The following FER variants were observed in gnomAD, a reference collection of about 807,000 sequenced individuals.
The protein encoded by FER is tyrosine-protein kinase Fer.
FER carries 63 observed loss-of-function variants against 111.0 expected under a neutral mutation model. The ratio of observed to expected loss-of-function variants is 0.57; its 90% CI spans 0.46 to 0.70. FER has a LOEUF of 0.70. FER is among the 30% of genes least tolerant of loss of function. The pLI, the probability that FER is intolerant of heterozygous loss-of-function variation, is 0.00. For missense variants in FER, 914 were observed against 954.0 expected (o/e 0.96, Z 0.55); for synonymous variants, 327 against 313.9 (o/e 1.04, Z -0.44).
At chr5:108,754,453 A>T (rs1429647530) in intron 1 of FER, among the ~76,000 whole-genome samples, 1 of 151,792 alleles carries the variant, frequency 6.6e-6, no homozygotes. Context: ...ATTGTTAGTA[A>T]CAAGTACTGA....
intron 16 of FER, among the ~76,000 whole-genome samples, chr5:109,094,722 C>T (rs545952334): frequency 3.9e-4 from 60 of 152,242 alleles, no homozygotes; most frequent in Admixed American, 1.2e-3. Flanking sequence ...TTCACAGAAA[C>T]AGGCAATAGG....
intron 2 of FER, among the ~76,000 whole-genome samples, chr5:108,769,802 A>T (rs1466487640): frequency 1.3e-5 from 2 of 152,194 alleles, no homozygotes; most frequent in African/African-American, 4.8e-5. Flanking sequence ...CTTTCTTGTT[A>T]ACTGATGGAT....
intron 10 of FER, among the ~76,000 whole-genome samples, chr5:108,911,402 C>A (rs1751526936): frequency 6.6e-6 from 1 of 151,722 alleles, no homozygotes; most frequent in African/African-American, 2.4e-5. Flanking sequence ...CAAATATTTT[C>A]TCCTATACTG....
At chr5:108,946,353 C>A in intron 11 of FER, 131 bp downstream of exon 11, 1 of 545,732 alleles carries the variant, frequency 1.8e-6, no homozygotes, top group South Asian at 3.6e-5. Context: ...TTTGCACTTA[C>A]AAATGGAAAG....
At chr5:108,941,588 C>A (rs1004798862) in intron 10 of FER, among the ~76,000 whole-genome samples, 1 of 151,952 alleles carries the variant, frequency 6.6e-6, no homozygotes, top group African/African-American at 2.4e-5. Flanking sequence ...TCGTTATGTC[C>A]CTAAATTGTA....
At chr5:108,966,783 T>C (rs1408837176) in intron 13 of FER, among the ~76,000 whole-genome samples, 2 of 152,158 alleles carry the variant, frequency 1.3e-5, no homozygotes. Flanking sequence ...ATATTTCTGA[T>C]ATGAACATGG....
chr5:109,074,943 AT>A (rs1380860451), intron 16 of FER, among the ~76,000 whole-genome samples: 1 of 152,240 alleles, frequency 6.6e-6, no homozygotes, highest in Non-Finnish European at 1.5e-5. Flanking sequence ...ATACTAATGA[AT>A]TGGTGACATG....
chr5:109,105,745 G>C (rs558657095), intron 17 of FER, among the ~76,000 whole-genome samples: 27 of 152,220 alleles, frequency 1.8e-4, no homozygotes, highest in African/African-American at 6.0e-4. Flanking sequence ...TCAAGTATTA[G>C]TAACCCTAAC....
At chr5:109,167,835 G>C (rs1190769027) in intron 17 of FER, among the ~76,000 whole-genome samples, 4 of 152,066 alleles carry the variant, frequency 2.6e-5, no homozygotes, top group Non-Finnish European at 5.9e-5. Context: ...AGACAAGCAG[G>C]GTAGTCAAAC....
At chr5:109,023,505 G>A (rs1188804923) in intron 13 of FER, among the ~76,000 whole-genome samples, 3 of 152,002 alleles carry the variant, frequency 2.0e-5, no homozygotes, top group Non-Finnish European at 2.9e-5. Context: ...TTATGTCTCA[G>A]AGCCTTAGTT....
rs771199420 is a variant in FER, at chr5:108,798,301, A to G, written c.119A>G (p.Lys40Arg). 66 of 1,614,008 alleles carry G rather than the reference A, an allele frequency of 4.1e-5. No homozygotes were observed. Among genetic ancestry groups the G allele is most frequent in the Non-Finnish European group, 5.1e-5 (60 of 1,179,864 alleles). ...KFMALRIKSD[K>R]EYASTLQNLC... is the part of the protein sequence containing the mutation. ...ATGGCCCTGAGAATAAAAAGTGATA[A>G]AGAATATGCATCTACTTTACAGAAC... The change falls in exon 3 of 20, where the codon AAA becomes AGA. Residue 40 changes from lysine to arginine, a missense_variant. Physicochemically the swap from Lys to Arg is conservative, Grantham distance 26. Coordinates refer to ENST00000281092, the MANE Select transcript of FER (RefSeq NM_005246.4).
At chr5:108,930,854 T>C (rs1754566884) in intron 10 of FER, among the ~76,000 whole-genome samples, 1 of 151,726 alleles carries the variant, frequency 6.6e-6, no homozygotes, top group African/African-American at 2.4e-5. Flanking sequence ...CCTCAAGTGA[T>C]CCATCTGCCT....
chr5:108,897,210 A>G (rs1293466272), intron 9 of FER, among the ~76,000 whole-genome samples: 2 of 152,132 alleles, frequency 1.3e-5, no homozygotes, highest in Non-Finnish European at 2.9e-5. Flanking sequence ...CACAACATAT[A>G]CACAAGCTTT....
intron 13 of FER, among the ~76,000 whole-genome samples, chr5:109,017,905 G>T (rs1409825602): frequency 1.3e-5 from 2 of 151,804 alleles, no homozygotes; most frequent in Non-Finnish European, 1.5e-5. Context: ...ACCTCCATCT[G>T]TGGTCACATA....
intron 3 of FER, among the ~76,000 whole-genome samples, chr5:108,812,617 C>T (rs1298244195): frequency 1.3e-5 from 2 of 152,160 alleles, no homozygotes; most frequent in Admixed American, 6.5e-5. Flanking sequence ...TCTCCTTATC[C>T]TGTCTGCTCT....
At chr5:108,751,618 T>C (rs1461456970) in intron 1 of FER, among the ~76,000 whole-genome samples, 1 of 152,210 alleles carries the variant, frequency 6.6e-6, no homozygotes, top group Non-Finnish European at 1.5e-5. Context: ...ATAAATTGGG[T>C]CAATCTTATG....
intron 10 of FER, among the ~76,000 whole-genome samples, chr5:108,932,856 CT>C (rs202222050): frequency 0.23 from 31,163 of 138,070 alleles, 4,209 homozygotes; most frequent in African/African-American, 0.4. Flanking sequence ...CCTTTGCCCA[CT>C]TTTTTTTTTT....
At chr5:108,939,132 G>A (rs560470247) in intron 10 of FER, among the ~76,000 whole-genome samples, 22 of 151,986 alleles carry the variant, frequency 1.4e-4, no homozygotes, top group African/African-American at 5.1e-4. Flanking sequence ...TGTTTTATTT[G>A]TTATGTGCTG....
At chr5:109,183,455 G>T (rs1034477276) in intron 18 of FER, among the ~76,000 whole-genome samples, 15 of 152,066 alleles carry the variant, frequency 9.9e-5, no homozygotes, top group African/African-American at 3.4e-4. Flanking sequence ...TACCATATTG[G>T]TCAGGCTGGT....
Sources: gnomAD v4.1 joint callset for allele counts (sites outside exome capture counted in the v4.1 genomes callset) on GRCh38, gnomAD v4.1.1 for gene constraint, MANE v1.5 for transcripts, NCBI Gene and HGNC (gene_info 2026-07-23, HGNC 2026-07-21) for gene names.